Variants in SLC17A7 observed in about 807,000 individuals in gnomAD.
SLC17A7 encodes the protein vesicular glutamate transporter 1.
In SLC17A7, 15 loss-of-function variants were observed where a neutral mutation model predicts 59.1. The ratio of observed to expected loss-of-function variants is 0.25; its 90% CI spans 0.17 to 0.39. The LOEUF is 0.39. Among genes scored for constraint, SLC17A7 ranks in the 10% least tolerant of loss-of-function variants. SLC17A7 has a pLI of 1.00. For missense variants in SLC17A7, 499 were observed against 765.1 expected, an observed-to-expected ratio of 0.65 and a Z score of 4.10; for synonymous variants, 353 against 308.9, an observed-to-expected ratio of 1.14 and a Z score of -1.50.
chr19:49,432,097 A>C (rs1258394473), intron 9 of SLC17A7, among the ~76,000 whole-genome samples: 1 of 152,108 alleles, frequency 6.6e-6, no homozygotes, highest in African/African-American at 2.4e-5. Flanking sequence ...AGATGGGACC[A>C]CAGGCGCGCG....
chr19:49,431,665 A>G lies in SLC17A7; in HGVS notation c.1151-217T>C, dbSNP rs747280956. On this transcript the variant is annotated intron_variant, in intron 9 of 11. Coordinates refer to ENST00000221485, the MANE Select transcript of SLC17A7 (RefSeq NM_020309.4). The surrounding 1 kb of genome is among the most constrained non-coding windows in gnomAD (Gnocchi z 4.6). ...CCAAGACCCAGCCCTGACCACGCCCACCAGCTCCATCGCCCCTCCCGTAGC... is the reference window on the plus strand; with the variant it reads ...CCAAGACCCAGCCCTGACCACGCCCGCCAGCTCCATCGCCCCTCCCGTAGC... 3.5e-4 allele frequency among the ~76,000 whole-genome samples: 53 copies of G among 151,656 alleles called. No individual in the cohort carries two copies. Among genetic ancestry groups the G allele is most frequent in the Admixed American group, 3.9e-4 (6 of 15,230 alleles).
rs763717264 is a variant in SLC17A7 at position 49,434,675 on chromosome 19, G to T, written c.564C>A (p.Pro188=). The change falls in exon 5 of 12, where the codon CCC becomes CCA. Residue 188 remains proline (P), a synonymous_variant. Coordinates refer to ENST00000221485, the MANE Select transcript of SLC17A7 (RefSeq NM_020309.4). ...ATTTGCTCCAGATCCCATGGCAGGC[G>T]GGGTATGTGACCCCCTAAAGAGGAG... The part of the protein sequence containing the change: ...LQGLVEGVTY[P]ACHGIWSKWA... The T allele has an allele frequency of 3.1e-6, 5 of 1,614,110 alleles. No individual in the cohort carries two copies. The highest frequency in any genetic ancestry group is 2.2e-5 in the South Asian group (2 of 91,080).
At position 49,430,334 on chromosome 19, in the gene SLC17A7, C is replaced by A. The variant is rs936131957; in HGVS notation, c.*185G>T. ...GGGTATCCTTGAAACTGTCAGTCTG[C>A]AGCTTCACTACCCCTGAGAGGCAAT... On this transcript the variant is annotated 3_prime_UTR_variant, in exon 12 of 12. Transcript: ENST00000221485. 1.9e-6 allele frequency: 1 copy of A among 529,012 alleles called. No homozygotes were observed. The highest frequency in any genetic ancestry group is 3.2e-5 in the East Asian group (1 of 31,084). 32.8% of individuals were successfully genotyped at this position (529,012 alleles called of 1,614,324 possible).
At chr19:49,437,145 ACT>A in intron 1 of SLC17A7, 2 of 381,088 alleles carry the variant, frequency 5.2e-6, no homozygotes, top group Non-Finnish European at 9.7e-6. Flanking sequence ...AGGCCCAAAG[ACT>A]CTCCAGCCGC....
chr19:49,438,072 A>T (rs1379149998), intron 1 of SLC17A7: 1 of 150,498 alleles, frequency 6.6e-6, no homozygotes, highest in Non-Finnish European at 1.5e-5. Context: ...ACCCAGATAG[A>T]GAGGGGGACA....
chr19:49,439,358 C>T (rs932080498), intron 1 of SLC17A7, among the ~76,000 whole-genome samples: 4 of 152,150 alleles, frequency 2.6e-5, no homozygotes, highest in Non-Finnish European at 5.9e-5. Context: ...CCTTACTGGC[C>T]CTCGGCATCC....
chr19:49,430,208 G>A lies in SLC17A7; in HGVS notation c.*311C>T, dbSNP rs1276484441. The A allele has an allele frequency of 4.5e-6, 1 of 224,676 alleles. No individual in the cohort carries two copies. Among genetic ancestry groups the A allele is most frequent in the African/African-American group, 2.3e-5 (1 of 43,634 alleles). 13.9% of individuals were successfully genotyped at this position (224,676 alleles called of 1,614,324 possible). On this transcript the variant is annotated 3_prime_UTR_variant, in exon 12 of 12. Coordinates refer to ENST00000221485, the MANE Select transcript of SLC17A7 (RefSeq NM_020309.4). ...GTGTGGGTGCCTCAAAACCACAAGA[G>A]AGAGTAAGAGGTCGAACTGTCCATT...
rs2078956944 is a variant in SLC17A7, at chr19:49,430,946, C to A, written c.1389+69G>T. 10 of 1,559,992 alleles carry A rather than the reference C, an allele frequency of 6.4e-6. No individual in the cohort carries two copies. The South Asian group carries it at 1.2e-4, about 19-fold the overall frequency. ...CAGGGATGGCACCCCAGAGACAGTG[C>A]CACCACGTGGTCAGTTAGGTACGAA... On this transcript the variant is annotated intron_variant, in intron 11 of 11. Coordinates refer to ENST00000221485, the MANE Select transcript of SLC17A7 (RefSeq NM_020309.4).
At chr19:49,430,887 G>A in intron 11 of SLC17A7, 75 bp from the exon 12 acceptor site, 3 of 1,557,140 alleles carry the variant, frequency 1.9e-6, no homozygotes, top group East Asian at 2.3e-5. Flanking sequence ...AGGCCTAGAG[G>A]AAGGGAGGCA....
chr19:49,432,743 C>T, intron 8 of SLC17A7, 68 bp downstream of exon 8: 3 of 1,598,574 alleles, frequency 1.9e-6, no homozygotes, highest in Non-Finnish European at 2.6e-6. Context: ...CTCCCTGCCT[C>T]GGGATCGCCG....
At chr19:49,432,123 A>T (rs1193631265) in intron 9 of SLC17A7, among the ~76,000 whole-genome samples, 2 of 151,140 alleles carry the variant, frequency 1.3e-5, no homozygotes, top group Non-Finnish European at 2.9e-5. Flanking sequence ...ACGCCTAGCA[A>T]ATCTCACTTG....
At position 49,437,209 on chromosome 19, in the gene SLC17A7, T is replaced by C. The variant is rs575896551; in HGVS notation, c.63-408A>G. On this transcript the variant is annotated intron_variant, in intron 1 of 11. Coordinates refer to ENST00000221485, the MANE Select transcript of SLC17A7 (RefSeq NM_020309.4). Reference sequence around the variant, plus strand: ...GAAGCAAAAGGTGCTAAGGAGATGCTTCAGCAAAGGTGTCAAAAGAACAGA... The same window carrying C: ...GAAGCAAAAGGTGCTAAGGAGATGCCTCAGCAAAGGTGTCAAAAGAACAGA... 1.4e-5 allele frequency: 3 copies of C among 217,376 alleles called. No individual in the cohort carries two copies. The Admixed American group carries it at 1.5e-4, about 11-fold the overall frequency. The allele number at this position is 217,376 out of a possible 1,614,324, so 13.5% of individuals were successfully genotyped here.
chr19:49,436,542 G>T lies in SLC17A7; in HGVS notation c.315+7C>A. ...GGGGCTCTGCAAGGGCTCAGGCCTTGAGCTACCTGCACCACCACGTGGCCC... is the reference window on the plus strand; with the variant it reads ...GGGGCTCTGCAAGGGCTCAGGCCTTTAGCTACCTGCACCACCACGTGGCCC... On this transcript the variant is annotated splice_region_variant and intron_variant, in intron 2 of 11. Coordinates refer to ENST00000221485, the MANE Select transcript of SLC17A7 (RefSeq NM_020309.4). The surrounding 1 kb of genome is among the most constrained non-coding windows in gnomAD (Gnocchi z 4.1). The T allele has an allele frequency of 6.2e-7, 1 of 1,611,950 alleles. No homozygotes were observed.
Position 49,435,247 on chromosome 19 carries a change from T to A in SLC17A7, c.355A>T (p.Ile119Leu). The A allele has an allele frequency of 1.2e-6, 2 of 1,614,136 alleles. No individual in the cohort carries two copies. Among genetic ancestry groups the A allele is most frequent in the Non-Finnish European group, 1.7e-6 (2 of 1,180,018 alleles). ...FSWDPETVGLIHGSFFWGYIV... is the reference protein window; with the variant it reads ...FSWDPETVGLLHGSFFWGYIV... ...TAGCCCCAGAAAAAGGAGCCGTGTA[T>A]GAGGCCGACAGTCTCTGGATCCCAG... is the stretch of plus-strand genomic sequence containing the variant. The change falls in exon 3 of 12, where the codon ATA becomes TTA. Residue 119 changes from isoleucine to leucine, a missense_variant. Ile to Leu is a conservative substitution (Grantham distance 5). Coordinates refer to ENST00000221485, the MANE Select transcript of SLC17A7 (RefSeq NM_020309.4).
At chr19:49,438,398 G>A (rs984015513) in intron 1 of SLC17A7, 2 of 152,268 alleles carry the variant, frequency 1.3e-5, no homozygotes, top group African/African-American at 4.8e-5. Context: ...TCTCTGAGGT[G>A]GGTAGGCAGC....
At chr19:49,434,729 G>T in intron 4 of SLC17A7, 39 bp downstream of exon 4, 1 of 1,614,066 alleles carries the variant, frequency 6.2e-7, no homozygotes, top group Non-Finnish European at 8.5e-7. Context: ...AAGAGGCAGG[G>T]TCCGAGCGAG....
chr19:49,431,185 C>T lies in SLC17A7; in HGVS notation c.1262-43G>A. The T allele has an allele frequency of 6.3e-7, 1 of 1,593,166 alleles. No individual in the cohort carries two copies. On this transcript the variant is annotated intron_variant, in intron 10 of 11. Coordinates refer to ENST00000221485, the MANE Select transcript of SLC17A7 (RefSeq NM_020309.4). The surrounding 1 kb of genome is among the most constrained non-coding windows in gnomAD (Gnocchi z 4.6). ...CGGAAGGCGTCACACCGGAATCTCA[C>T]TCGAGTGATTCCCACTGGGACGTTC...
intron 8 of SLC17A7, 37 bp from the exon 9 acceptor site, chr19:49,432,688 G>A (rs1344960079): frequency 6.2e-7 from 1 of 1,605,812 alleles, no homozygotes; most frequent in Admixed American, 1.7e-5. Flanking sequence ...TAGGGTTCGG[G>A]GCCGCCGGCT....
In SLC17A7 at chr19:49,433,004, G is replaced by T; in HGVS notation, c.868-44C>A. 6.4e-7 allele frequency: 1 copy of T among 1,570,850 alleles called. No homozygotes were observed. On this transcript the variant is annotated intron_variant, in intron 7 of 11. Coordinates refer to ENST00000221485, the MANE Select transcript of SLC17A7 (RefSeq NM_020309.4). This position sits in a 1 kb window ranked among gnomAD's most constrained non-coding sequence, Gnocchi z 5.7. ...GGCCGCTAAGACGGGGAGCGGGGCT[G>T]AGGGCTTCTCCGCGTCCCTTCAGGG...
Sources: gnomAD v4.1 joint callset for allele counts (sites outside exome capture counted in the v4.1 genomes callset) on GRCh38, gnomAD v4.1.1 for gene constraint, Gnocchi (gnomAD v3.1) non-coding constraint, MANE v1.5 for transcripts, NCBI Gene and HGNC (gene_info 2026-07-23, HGNC 2026-07-21) for gene names.